The following LIPI variants were observed in gnomAD, a reference collection of about 807,000 sequenced individuals.
LIPI encodes the protein lipase member I.
Under a neutral mutation model 50.6 loss-of-function variants are expected in LIPI, and 59 were observed. That is an observed-to-expected ratio of 1.16 (90% confidence interval 0.94 to 1.45). The LOEUF is 1.45. Ranked by LOEUF, LIPI falls within the 40% of genes most tolerant of loss-of-function variation. The pLI, the probability that LIPI is intolerant of heterozygous loss-of-function variation, is 0.00. For synonymous variants in LIPI, 203 were observed against 178.2 expected (o/e 1.14, Z -1.11); for missense variants, 586 against 536.3 (o/e 1.09, Z -0.92).
intron 2 of LIPI, among the ~76,000 whole-genome samples, chr21:14,188,470 A>G (rs943581083): frequency 1.8e-4 from 27 of 146,644 alleles, no homozygotes; most frequent in African/African-American, 6.5e-4. Context: ...CGGGTGGCTG[A>G]TGCAGGAGTA....
rs1452958392 is a variant in LIPI, at chr21:14,168,421, C to A, written c.644-1970G>T. ...CCAAGACACACAATTGTCAGATTCACCAAAGTTGAAATGAAGGAAAAAATG... is the reference window on the plus strand; with the variant it reads ...CCAAGACACACAATTGTCAGATTCAACAAAGTTGAAATGAAGGAAAAAATG... On this transcript the variant is annotated intron_variant, in intron 4 of 9. Transcript: ENST00000681601. 1.3e-5 allele frequency among the ~76,000 whole-genome samples: 2 copies of A among 152,126 alleles called. 1 individual carries two copies. The highest frequency in any genetic ancestry group is 3.9e-4 in the East Asian group (2 of 5,190).
chr21:14,161,749 A>G (rs370391861), intron 7 of LIPI, among the ~76,000 whole-genome samples: 778 of 32,512 alleles, frequency 0.024, 122 homozygotes, highest in East Asian at 0.14. Flanking sequence ...ATATATTAAT[A>G]TATAATATAT....
intron 4 of LIPI, among the ~76,000 whole-genome samples, chr21:14,174,535 C>T (rs941267273): frequency 2.7e-5 from 4 of 145,674 alleles, no homozygotes; most frequent in South Asian, 2.3e-4. Context: ...ATAAAATCAT[C>T]TGTTGTTTAT....
At position 14,158,272 on chromosome 21, in the gene LIPI, T is replaced by C. The variant is rs568106345; in HGVS notation, c.1006+5147A>G. Among the ~76,000 whole-genome samples the C allele has an allele frequency of 2.3e-4, 35 of 151,772 alleles. No homozygotes were observed. In the South Asian group the frequency reaches 5.0e-3, roughly 22 times the overall value. ...AGTTTGATTTCTAGCCATAATAAAA[T>C]TAATCTAAAGGTCAGTAACAGACAA... On this transcript the variant is annotated intron_variant, in intron 7 of 9. Coordinates refer to ENST00000681601, the MANE Select transcript of LIPI (RefSeq NM_001302998.2).
At chr21:14,139,226 G>A (rs910985879) in intron 9 of LIPI, among the ~76,000 whole-genome samples, 1 of 151,532 alleles carries the variant, frequency 6.6e-6, no homozygotes, top group Admixed American at 6.6e-5. Context: ...TTATTAGTGG[G>A]GATTATTAAT....
chr21:14,187,148 C>G (rs1430829977), intron 2 of LIPI, among the ~76,000 whole-genome samples: 1 of 152,104 alleles, frequency 6.6e-6, no homozygotes, highest in Non-Finnish European at 1.5e-5. Context: ...CCCTGATCAC[C>G]AGCTCAGGAG....
At chr21:14,201,902 G>A (rs1007868501) in intron 1 of LIPI, among the ~76,000 whole-genome samples, 2 of 152,150 alleles carry the variant, frequency 1.3e-5, no homozygotes, top group Non-Finnish European at 2.9e-5. Context: ...AATTGTCCCT[G>A]TTTGCAGATG....
chr21:14,182,773 A>G (rs1423301961), intron 3 of LIPI, among the ~76,000 whole-genome samples: 1 of 151,896 alleles, frequency 6.6e-6, no homozygotes, highest in Admixed American at 6.6e-5. Context: ...TAGGAATCCA[A>G]CTTACAAGGG....
At chr21:14,109,415 T>C (rs573451119) in intron 9 of LIPI, among the ~76,000 whole-genome samples, 2 of 152,242 alleles carry the variant, frequency 1.3e-5, no homozygotes, top group South Asian at 4.1e-4. Flanking sequence ...ATTCCTTCCA[T>C]CATGATGGTC....
rs376626602 is a variant in LIPI at position 14,193,764 on chromosome 21, G to GA, written c.47-4346dup. On this transcript the variant is annotated intron_variant, in intron 1 of 9. Coordinates refer to ENST00000681601, the MANE Select transcript of LIPI (RefSeq NM_001302998.2). Reference sequence around the variant, plus strand: ...AAGAACAGAACCACAGGCGACAACAGAAAAAAAAAATGAGTAAATTGGACT... The same window carrying GA: ...AAGAACAGAACCACAGGCGACAACAGAAAAAAAAAAATGAGTAAATTGGACT... 8.3e-3 allele frequency among the ~76,000 whole-genome samples: 1,207 copies of GA among 144,982 alleles called. 13 individuals are homozygous for GA. The highest frequency in any genetic ancestry group is 0.019 in the African/African-American group (772 of 39,726).
At chr21:14,151,801 C>T (rs1781263208) in intron 8 of LIPI, among the ~76,000 whole-genome samples, 1 of 152,134 alleles carries the variant, frequency 6.6e-6, no homozygotes, top group Admixed American at 6.5e-5. Flanking sequence ...TGTACACACA[C>T]TTGCACATAC....
At chr21:14,166,098 T>A (rs1160323555) in intron 5 of LIPI, among the ~76,000 whole-genome samples, 1 of 152,186 alleles carries the variant, frequency 6.6e-6, no homozygotes, top group Non-Finnish European at 1.5e-5. Context: ...GACTTACGAC[T>A]TCTCCTAATG....
At chr21:14,172,802 C>T (rs2018965736) in intron 4 of LIPI, among the ~76,000 whole-genome samples, 1 of 151,726 alleles carries the variant, frequency 6.6e-6, no homozygotes, top group Non-Finnish European at 1.5e-5. Context: ...ACCAGCATGG[C>T]ACATGTATAC....
chr21:14,182,988 T>C (rs1367343118), intron 3 of LIPI, among the ~76,000 whole-genome samples: 1 of 152,116 alleles, frequency 6.6e-6, no homozygotes. Context: ...AAAGTTCATA[T>C]GGAACCAAAA....
chr21:14,204,150 T>C (rs2020158198), intron 1 of LIPI, among the ~76,000 whole-genome samples: 1 of 152,040 alleles, frequency 6.6e-6, no homozygotes, highest in Non-Finnish European at 1.5e-5. Flanking sequence ...TTAATATGTG[T>C]ACTGGTATAA....
At chr21:14,130,339 AAG>A (rs752097414) in intron 9 of LIPI, among the ~76,000 whole-genome samples, 14 of 150,820 alleles carry the variant, frequency 9.3e-5, no homozygotes, top group South Asian at 2.1e-4. Context: ...GACTCTGTCT[AAG>A]AGAGAGAGAG....
intron 4 of LIPI, among the ~76,000 whole-genome samples, chr21:14,174,382 G>A (rs543440524): frequency 6.6e-6 from 1 of 151,370 alleles, no homozygotes; most frequent in East Asian, 2.1e-4. Flanking sequence ...TAAATCTATA[G>A]GCTAATTAAT....
chr21:14,164,765 AAGG>A (rs2018616339), intron 6 of LIPI, among the ~76,000 whole-genome samples: 2 of 152,288 alleles, frequency 1.3e-5, no homozygotes, highest in Admixed American at 1.3e-4. Context: ...ATCCATTTAG[AAGG>A]TATGAACCAT....
chr21:14,112,551 C>A (rs551347886), intron 9 of LIPI, among the ~76,000 whole-genome samples: 1 of 151,964 alleles, frequency 6.6e-6, no homozygotes, highest in Non-Finnish European at 1.5e-5. Flanking sequence ...GAATTGTTTA[C>A]CTTTTTGATT....
Sources: allele counts gnomAD v4.1 joint callset (sites outside exome capture counted in the v4.1 genomes callset), GRCh38; gene constraint gnomAD v4.1.1; transcripts MANE v1.5; gene names NCBI Gene and HGNC (gene_info 2026-07-23, HGNC 2026-07-21).